Variants in EIF3A observed in about 807,000 individuals in gnomAD.
EIF3A encodes EIF3, p180 subunit.
Under a neutral mutation model 186.6 loss-of-function variants are expected in EIF3A, and 21 were observed. The ratio of observed to expected loss-of-function variants is 0.11; its 90% confidence interval spans 0.08 to 0.16. EIF3A has a LOEUF of 0.16. Among genes scored for constraint, EIF3A ranks in the 10% least tolerant of loss-of-function variants. The pLI is 1.00. For synonymous variants in EIF3A, 563 were observed against 584.3 expected (o/e 0.96, Z 0.52); for missense variants, 1,306 against 1,796.3 (o/e 0.73, Z 4.93).
At chr10:119,059,445 G>A (rs371572756) in intron 10 of EIF3A, 48 bp from the exon 11 acceptor site, 474 of 1,408,982 alleles carry the variant, frequency 3.4e-4, no homozygotes, top group Non-Finnish European at 4.4e-4. Flanking sequence ...TAAGCATGAA[G>A]TCAAAAAGTA....
At chr10:119,074,011 T>C in intron 1 of EIF3A, 74 bp from the exon 2 acceptor site, 1 of 1,270,940 alleles carries the variant, frequency 7.9e-7, no homozygotes, top group Non-Finnish European at 1.0e-6. Context: ...TTTAAACAGC[T>C]ATTTCAATTC....
rs578853 is a variant in EIF3A at position 119,035,161 on chromosome 10, C to A, written c.*878G>T. ...AGCTACTGCGCTCCAAAATTGAAGTCAACACAGTCATTACTACAAATTACT... is the reference window on the plus strand; with the variant it reads ...AGCTACTGCGCTCCAAAATTGAAGTAAACACAGTCATTACTACAAATTACT... On this transcript the variant is annotated 3_prime_UTR_variant, in exon 22 of 22. Coordinates refer to ENST00000369144, the MANE Select transcript of EIF3A (RefSeq NM_003750.4). The A allele has an allele frequency of 8.7e-4, 133 of 152,152 alleles. 1 individual carries two copies. The highest frequency in any genetic ancestry group is 3.1e-3 in the African/African-American group (127 of 41,360). 9.4% of individuals were successfully genotyped at this position (152,152 alleles called of 1,614,324 possible). A position where few individuals can be genotyped will look rare whatever the true frequency, so the allele number is the denominator to read the frequency against.
At position 119,061,287 on chromosome 10, in the gene EIF3A, T is replaced by C. The variant is rs144766795; in HGVS notation, c.1164A>G (p.Lys388=). 650 of 1,595,350 alleles carry C rather than the reference T, an allele frequency of 4.1e-4. 3 individuals are homozygous for C. In the African/African-American group the frequency reaches 7.6e-3, roughly 19 times the overall value. Residue 388 remains lysine (K), a synonymous_variant, in exon 8 of 22, where the codon AAA becomes AAG. Transcript: ENST00000369144. ...NVLQYVVPEV[K]DLYNWLEVEF... ...CTACTTCAAGCCAATTGTAAAGGTCTTTCACTTCTGGGACAACATATTGTA... is the reference window on the plus strand; with the variant it reads ...CTACTTCAAGCCAATTGTAAAGGTCCTTCACTTCTGGGACAACATATTGTA...
chr10:119,073,125 A>G (rs1844105519), intron 3 of EIF3A, 72 bp from the exon 4 acceptor site: 2 of 1,422,180 alleles, frequency 1.4e-6, no homozygotes, highest in Non-Finnish European at 1.9e-6. Flanking sequence ...AAACCAAAAC[A>G]ATGTTCATCA....
At chr10:119,045,583 C>T (rs1848271859) in intron 17 of EIF3A, among the ~76,000 whole-genome samples, 1 of 152,196 alleles carries the variant, frequency 6.6e-6, no homozygotes, top group African/African-American at 2.4e-5. Flanking sequence ...TATAGTACAA[C>T]TATTACAACC....
intron 7 of EIF3A, among the ~76,000 whole-genome samples, chr10:119,064,592 G>A (rs986404952): frequency 6.6e-6 from 1 of 152,056 alleles, no homozygotes; most frequent in Admixed American, 6.6e-5. Flanking sequence ...CACCATGATG[G>A]TAATTTTCCT....
At chr10:119,054,787 C>A (rs182091268) in intron 14 of EIF3A, among the ~76,000 whole-genome samples, 1 of 151,894 alleles carries the variant, frequency 6.6e-6, no homozygotes, top group African/African-American at 2.4e-5. Flanking sequence ...AGAGGCCTAG[C>A]TTTCAACATG....
chr10:119,079,852 T>C (rs1053005244), intron 1 of EIF3A, among the ~76,000 whole-genome samples: 4 of 152,174 alleles, frequency 2.6e-5, no homozygotes, highest in Admixed American at 2.0e-4. Flanking sequence ...GGAGTGACCT[T>C]GGGGAAACCT....
At chr10:119,044,942 CTTTTTTTTTTT>C (rs78342491) in intron 17 of EIF3A, among the ~76,000 whole-genome samples, 9 of 140,542 alleles carry the variant, frequency 6.4e-5, no homozygotes, top group Non-Finnish European at 7.7e-5. Flanking sequence ...ATTTTCTTTT[CTTTTTTTTTTT>C]TTTTTTTTTG....
chr10:119,062,720 T>C (rs1002160946), intron 7 of EIF3A, among the ~76,000 whole-genome samples: 15 of 148,010 alleles, frequency 1.0e-4, no homozygotes, highest in African/African-American at 3.2e-4. Flanking sequence ...TGCAGTATAT[T>C]AAATCTAAGT....
intron 14 of EIF3A, among the ~76,000 whole-genome samples, chr10:119,055,296 G>A (rs566996578): frequency 2.0e-5 from 3 of 152,262 alleles, no homozygotes; most frequent in South Asian, 4.1e-4. Flanking sequence ...ATGGCCAGTC[G>A]GTAGAACAGT....
At chr10:119,074,355 C>T (rs868186418) in intron 1 of EIF3A, among the ~76,000 whole-genome samples, 1 of 152,090 alleles carries the variant, frequency 6.6e-6, no homozygotes, top group Non-Finnish European at 1.5e-5. Flanking sequence ...GTGCCAGCTA[C>T]TGAGGAGGCT....
At chr10:119,046,378 T>C (rs1848282706) in intron 17 of EIF3A, among the ~76,000 whole-genome samples, 1 of 152,144 alleles carries the variant, frequency 6.6e-6, no homozygotes, top group South Asian at 2.1e-4. Flanking sequence ...ACAAAGACAT[T>C]CTGAAAACTA....
chr10:119,073,412 A>G (rs1406155595), intron 3 of EIF3A, 29 bp downstream of exon 3: 1 of 1,501,626 alleles, frequency 6.7e-7, no homozygotes, highest in East Asian at 2.3e-5. Context: ...TAACTATCAA[A>G]GCATTTATTA....
intron 1 of EIF3A, among the ~76,000 whole-genome samples, chr10:119,079,041 T>C (rs1482565781): frequency 1.3e-5 from 2 of 152,140 alleles, no homozygotes; most frequent in African/African-American, 2.4e-5. Context: ...AATCATTTTG[T>C]ATACTACAAA....
intron 16 of EIF3A, among the ~76,000 whole-genome samples, chr10:119,050,186 A>T (rs141744239): frequency 6.2e-4 from 94 of 152,356 alleles, no homozygotes; most frequent in African/African-American, 1.9e-3. Context: ...ATAAGATACT[A>T]GAATCCCTCC....
At chr10:119,075,651 C>CATACAT (rs1844156091) in intron 1 of EIF3A, among the ~76,000 whole-genome samples, 1 of 97,064 alleles carries the variant, frequency 1.0e-5, no homozygotes, top group Non-Finnish European at 1.8e-5. Context: ...TATATATATA[C>CATACAT]ATATATATAT....
chr10:119,080,452 G>T lies in EIF3A; in HGVS notation c.49+176C>A, dbSNP rs575436961. On this transcript the variant is annotated intron_variant, in intron 1 of 21. Transcript: ENST00000369144. Reference sequence around the variant, plus strand: ...GCTACGCGCCTCCCAGACCCCAGTCGATAGAGTGAGAAGGAAACCCATGCC... The same window carrying T: ...GCTACGCGCCTCCCAGACCCCAGTCTATAGAGTGAGAAGGAAACCCATGCC... 328 of 985,434 alleles carry T rather than the reference G, an allele frequency of 3.3e-4. 1 individual carries two copies. In the Middle Eastern group the frequency reaches 4.7e-3, roughly 14 times the overall value. 61.0% of individuals were successfully genotyped at this position (985,434 alleles called of 1,614,324 possible).
intron 12 of EIF3A, among the ~76,000 whole-genome samples, chr10:119,057,293 T>A (rs533953033): frequency 6.6e-6 from 1 of 152,254 alleles, no homozygotes; most frequent in South Asian, 2.1e-4. Flanking sequence ...GCAAACCTAA[T>A]CCAAAAACCC....
Sources: gnomAD v4.1 joint callset for allele counts (sites outside exome capture counted in the v4.1 genomes callset) on GRCh38, gnomAD v4.1.1 for gene constraint, MANE v1.5 for transcripts, NCBI Gene and HGNC (gene_info 2026-07-23, HGNC 2026-07-21) for gene names.